ANK3: variants seen among roughly 807,000 people sequenced by gnomAD.
ANK3 encodes the protein ankyrin 3.
ANK3 carries 57 observed loss-of-function variants against 370.9 expected under a neutral mutation model. The ratio of observed to expected loss-of-function variants is 0.15; its 90% confidence interval spans 0.12 to 0.19. The LOEUF (loss-of-function observed/expected upper bound fraction) is 0.19. Among genes scored for constraint, ANK3 ranks in the 10% least tolerant of loss-of-function variants. The pLI is 1.00. For synonymous variants in ANK3, 1,929 were observed against 1,946.3 expected, an observed-to-expected ratio of 0.99 and a Z score of 0.23; for missense variants, 4,439 against 5,302.1, an observed-to-expected ratio of 0.84 and a Z score of 5.06.
chr10:60,052,234 A>C (rs945323551), intron 42 of ANK3, among the ~76,000 whole-genome samples: 1 of 152,138 alleles, frequency 6.6e-6, no homozygotes, highest in African/African-American at 2.4e-5. Flanking sequence ...AGGCTGAGGC[A>C]GGAGAATTGC....
intron 1 of ANK3, among the ~76,000 whole-genome samples, chr10:60,283,285 C>T (rs1228646993): frequency 2.0e-5 from 3 of 148,656 alleles, no homozygotes; most frequent in African/African-American, 7.5e-5. Context: ...ATCTCACTGC[C>T]GTCATTTCAT....
At chr10:60,609,526 C>T (rs1394119374) in intron 2 of ANK3, among the ~76,000 whole-genome samples, 4 of 104,052 alleles carry the variant, frequency 3.8e-5, no homozygotes, top group African/African-American at 9.7e-5. Flanking sequence ...ACAAAGGGGA[C>T]TTCTTTTTTC....
intron 43 of ANK3, among the ~76,000 whole-genome samples, chr10:60,041,283 C>T (rs1266175069): frequency 4.6e-5 from 7 of 152,172 alleles, no homozygotes; most frequent in South Asian, 2.1e-4. Context: ...CACTGCTTTT[C>T]GGGTACAGCC....
intron 2 of ANK3, among the ~76,000 whole-genome samples, chr10:60,520,699 C>T (rs4948423): frequency 0.1 from 15,361 of 152,012 alleles, 1,244 homozygotes; most frequent in East Asian, 0.31. Flanking sequence ...GTATTACTCC[C>T]TAGAGTACTT....
At chr10:60,219,335 T>G (rs990274386) in intron 8 of ANK3, among the ~76,000 whole-genome samples, 8 of 152,140 alleles carry the variant, frequency 5.3e-5, no homozygotes, top group African/African-American at 1.9e-4. Flanking sequence ...AAAATTCTTC[T>G]CAATGATCCG....
At chr10:60,220,057 A>G (rs1383931495) in intron 8 of ANK3, among the ~76,000 whole-genome samples, 2 of 151,236 alleles carry the variant, frequency 1.3e-5, no homozygotes, top group Non-Finnish European at 2.9e-5. Context: ...AAAATCTGGA[A>G]ACATACAAAA....
chr10:60,477,827 G>C (rs1169532301), intron 2 of ANK3, among the ~76,000 whole-genome samples: 1 of 151,960 alleles, frequency 6.6e-6, no homozygotes, highest in Non-Finnish European at 1.5e-5. Context: ...GTATATCCCT[G>C]TTCTTTCCAC....
At chr10:60,669,423 G>A (rs1192288423) in intron 1 of ANK3, among the ~76,000 whole-genome samples, 6 of 152,188 alleles carry the variant, frequency 3.9e-5, no homozygotes, top group African/African-American at 1.4e-4. Context: ...AACTTTCAGA[G>A]GCTTGCACCC....
rs897868644 is a variant in ANK3 at position 60,140,505 on chromosome 10, T to C, written c.2615-1418A>G. On this transcript the variant is annotated intron_variant, in intron 23 of 43. Transcript: ENST00000280772. ...TCCACTCTCTTCACCACCGCTGAATTCCTCTCAGCATCTTGATATCCTCGT... is the reference window on the plus strand; with the variant it reads ...TCCACTCTCTTCACCACCGCTGAATCCCTCTCAGCATCTTGATATCCTCGT... The C allele has an allele frequency of 7.2e-6, 11 of 1,532,960 alleles. No homozygotes were observed. In the African/African-American group the frequency reaches 1.5e-4, roughly 21 times the overall value. 95.0% of individuals were successfully genotyped at this position (1,532,960 alleles called of 1,614,324 possible).
At chr10:60,327,879 T>A (rs576504654) in intron 1 of ANK3, among the ~76,000 whole-genome samples, 38 of 152,186 alleles carry the variant, frequency 2.5e-4, no homozygotes, top group African/African-American at 8.9e-4. Context: ...GCAACTGGAG[T>A]CTCATCCAGG....
chr10:60,113,727 A>T (rs1256742232), intron 26 of ANK3, among the ~76,000 whole-genome samples: 2 of 152,174 alleles, frequency 1.3e-5, no homozygotes, highest in Non-Finnish European at 2.9e-5. Flanking sequence ...AAACAAAAAC[A>T]ACTACTAAAT....
chr10:60,071,303 A>T lies in ANK3; in HGVS notation c.9578T>A (p.Ile3193Lys). The T allele has an allele frequency of 6.2e-7, 1 of 1,614,088 alleles. No individual in the cohort carries two copies. The highest frequency in any genetic ancestry group is 8.5e-7 in the Non-Finnish European group (1 of 1,179,998). Residue 3193 changes from isoleucine (I) to lysine (K), a missense_variant, in exon 37 of 44, where the codon ATA (isoleucine) becomes AAA (lysine). By Grantham distance (102) the Ile-to-Lys change is moderately radical. This residue lies in a region of ANK3 where 1,601 missense variants were observed against 1,731.7 expected (regional missense o/e 0.92). Coordinates refer to ENST00000280772, the MANE Select transcript of ANK3 (RefSeq NM_020987.5). ...GGGAATTGGGCTGGGTTTGCCTGGT[A>T]TATAAGCTATGAGCGAGTCAGGTGT... is the stretch of plus-strand genomic sequence containing the variant. The part of the protein sequence containing the change: ...SKTPDSLIAY[I>K]PGKPSPIPEV...
intron 2 of ANK3, among the ~76,000 whole-genome samples, chr10:60,395,620 C>CTCTCTTTCAT (rs2063217710): frequency 6.1e-5 from 2 of 32,646 alleles, no homozygotes; most frequent in African/African-American, 2.6e-4. Flanking sequence ...CTCTTTCGTT[C>CTCTCTTTCAT]TCTCTCTCTC....
chr10:60,132,819 G>A (rs566020503), intron 25 of ANK3, among the ~76,000 whole-genome samples: 14 of 75,840 alleles, frequency 1.8e-4, no homozygotes, highest in Admixed American at 6.2e-4. Context: ...GTTTCACCAC[G>A]TTGGCAGGCT....
At chr10:60,183,666 C>T (rs1007309101) in intron 17 of ANK3, among the ~76,000 whole-genome samples, 3 of 152,110 alleles carry the variant, frequency 2.0e-5, no homozygotes, top group East Asian at 3.9e-4. Flanking sequence ...TGAGACCAGC[C>T]TGACCTACAT....
At chr10:60,535,853 A>T (rs2076712832) in intron 2 of ANK3, among the ~76,000 whole-genome samples, 1 of 152,082 alleles carries the variant, frequency 6.6e-6, no homozygotes, top group Non-Finnish European at 1.5e-5. Flanking sequence ...TGTATACAGA[A>T]GCCCCTTAAG....
At chr10:60,414,878 G>A (rs925297885) in intron 2 of ANK3, among the ~76,000 whole-genome samples, 1 of 152,180 alleles carries the variant, frequency 6.6e-6, no homozygotes, top group African/African-American at 2.4e-5. Context: ...AGGCTGAGAG[G>A]AGGCACTGAA....
At chr10:60,094,761 C>CCAT (rs1198985648) in intron 28 of ANK3, among the ~76,000 whole-genome samples, 2 of 151,280 alleles carry the variant, frequency 1.3e-5, no homozygotes, top group Non-Finnish European at 2.9e-5. Flanking sequence ...GGAAGTAAAG[C>CCAT]CATCAGTAAT....
At chr10:60,343,261 G>T (rs896132431) in intron 1 of ANK3, among the ~76,000 whole-genome samples, 29 of 152,012 alleles carry the variant, frequency 1.9e-4, no homozygotes, top group Admixed American at 1.2e-3. Flanking sequence ...TAAAGTTAGT[G>T]GTTTTGCATT....
Sources: gnomAD v4.1 joint callset for allele counts (sites outside exome capture counted in the v4.1 genomes callset) on GRCh38, gnomAD v4.1.1 for gene constraint, gnomAD v4.1.1 regional missense constraint, MANE v1.5 for transcripts, NCBI Gene and HGNC (gene_info 2026-07-23, HGNC 2026-07-21) for gene names.